MAF: variants seen among roughly 807,000 people sequenced by gnomAD.
The protein encoded by MAF is MAF bZIP transcription factor, also known as transcription factor Maf.
A neutral mutation model predicts 22.0 loss-of-function variants in MAF; 10 were observed. The ratio of observed to expected loss-of-function variants is 0.45; its 90% CI spans 0.28 to 0.77. The LOEUF is 0.77. Among genes scored for constraint, MAF ranks in the 30% least tolerant of loss-of-function variants. The pLI is 0.12. For missense variants in MAF, 544 were observed against 548.4 expected (o/e 0.99, Z 0.08); for synonymous variants, 337 against 255.8 (o/e 1.32, Z -3.03).
chr16:79,532,699 A>T, the MAF span, among the ~76,000 whole-genome samples: 2 of 152,126 alleles, frequency 1.3e-5, no homozygotes, highest in Non-Finnish European at 2.9e-5. Context: ...TTCGTGTGTG[A>T]GTGTGTGTGC....
At chr16:79,423,814 C>A in the MAF span, among the ~76,000 whole-genome samples, 1 of 152,174 alleles carries the variant, frequency 6.6e-6, no homozygotes, top group African/African-American at 2.4e-5. Context: ...ACCCACCTAA[C>A]CTAGCCTCCA....
the MAF span, among the ~76,000 whole-genome samples, chr16:79,270,344 TAG>T: frequency 1.3e-5 from 2 of 152,020 alleles, no homozygotes; most frequent in African/African-American, 2.4e-5. Context: ...GAACCCAAAG[TAG>T]TAGCAAGGCT....
chr16:79,550,803 T>C, the MAF span, among the ~76,000 whole-genome samples: 268 of 152,268 alleles, frequency 1.8e-3, 7 homozygotes, highest in East Asian at 0.033. Flanking sequence ...TTGTTCTGTA[T>C]GTAGGTTCCC....
the MAF span, among the ~76,000 whole-genome samples, chr16:79,409,830 T>A: frequency 1.3e-5 from 2 of 152,194 alleles, no homozygotes; most frequent in Admixed American, 6.5e-5. Context: ...ATGTTCGATA[T>A]CTGCACTAAT....
Position 79,594,566 on chromosome 16 carries a change from T to G in MAF, c.1119-13A>C. ...AGTGGGCTCAGTTCTGTAATTGGAA[T>G]GAAAGGAATTTTAACACTATTTAGA... On this transcript the variant is annotated splice_polypyrimidine_tract_variant and intron_variant, in intron 1 of 1. Coordinates refer to ENST00000326043, the MANE Select transcript of MAF (RefSeq NM_005360.5). The G allele has an allele frequency of 6.4e-7, 1 of 1,555,580 alleles. No individual in the cohort carries two copies. The highest frequency in any genetic ancestry group is 8.7e-7 in the Non-Finnish European group (1 of 1,148,348).
At chr16:79,223,780 G>C in the MAF span, among the ~76,000 whole-genome samples, 1 of 152,082 alleles carries the variant, frequency 6.6e-6, no homozygotes, top group East Asian at 1.9e-4. Flanking sequence ...TAAATTCCTG[G>C]ACATATACAC....
chr16:79,519,481 C>T, the MAF span, among the ~76,000 whole-genome samples: 1 of 152,138 alleles, frequency 6.6e-6, no homozygotes, highest in African/African-American at 2.4e-5. Context: ...TGCCAGGAGC[C>T]CTTAGTTTCC....
chr16:79,272,433 G>A, the MAF span, among the ~76,000 whole-genome samples: 1 of 152,214 alleles, frequency 6.6e-6, no homozygotes, highest in South Asian at 2.1e-4. Context: ...GAGGCCCTGT[G>A]CGTGTGACTC....
the MAF span, among the ~76,000 whole-genome samples, chr16:79,400,196 G>A: frequency 4.6e-5 from 7 of 152,198 alleles, no homozygotes; most frequent in Non-Finnish European, 8.8e-5. Flanking sequence ...CCACCACAAA[G>A]AATGAATTGT....
At chr16:79,246,548 GT>G in the MAF span, among the ~76,000 whole-genome samples, 363 of 129,614 alleles carry the variant, frequency 2.8e-3, 15 homozygotes, top group African/African-American at 9.4e-3. Flanking sequence ...TTTGGGGGGG[GT>G]GTGGGGGTGT....
chr16:79,245,445 A>G, the MAF span, among the ~76,000 whole-genome samples: 1 of 152,106 alleles, frequency 6.6e-6, no homozygotes, highest in Non-Finnish European at 1.5e-5. Flanking sequence ...GCAGCCAACA[A>G]TCATGAAAAA....
At chr16:79,468,068 T>C in the MAF span, among the ~76,000 whole-genome samples, 3 of 152,146 alleles carry the variant, frequency 2.0e-5, no homozygotes, top group African/African-American at 7.2e-5. Flanking sequence ...CAGACCTGGG[T>C]GCATCATGCA....
chr16:79,351,714 T>A, the MAF span, among the ~76,000 whole-genome samples: 86 of 152,012 alleles, frequency 5.7e-4, no homozygotes, highest in Non-Finnish European at 1.2e-3. Flanking sequence ...AGAAAGCCCA[T>A]TGCCCACCCC....
the MAF span, among the ~76,000 whole-genome samples, chr16:79,507,954 T>A: frequency 6.6e-6 from 1 of 151,978 alleles, no homozygotes; most frequent in Non-Finnish European, 1.5e-5. Context: ...TCTTTTTAAG[T>A]GGGGGAAAGG....
the MAF span, among the ~76,000 whole-genome samples, chr16:79,340,991 G>T: frequency 6.6e-6 from 1 of 152,170 alleles, no homozygotes; most frequent in African/African-American, 2.4e-5. Context: ...AGATGAAGAG[G>T]GACCAGCTAT....
At chr16:79,466,417 T>G in the MAF span, among the ~76,000 whole-genome samples, 2 of 152,314 alleles carry the variant, frequency 1.3e-5, no homozygotes, top group South Asian at 2.1e-4. Flanking sequence ...GCAGACTGGT[T>G]AGGGCTTTGT....
chr16:79,310,263 T>C, the MAF span, among the ~76,000 whole-genome samples: 2 of 152,008 alleles, frequency 1.3e-5, no homozygotes, highest in Admixed American at 1.3e-4. Flanking sequence ...ATTTTGCATG[T>C]AGGGAGGGAA....
chr16:79,463,747 A>G, the MAF span, among the ~76,000 whole-genome samples: 1 of 152,128 alleles, frequency 6.6e-6, no homozygotes, highest in Non-Finnish European at 1.5e-5. Context: ...AAATCTCTTA[A>G]AAATTTGTTT....
chr16:79,524,311 T>C, the MAF span, among the ~76,000 whole-genome samples: 356 of 152,356 alleles, frequency 2.3e-3, 1 homozygote, highest in African/African-American at 7.9e-3. Context: ...CCTGCTCCAC[T>C]GTGACCCATC....
Sources: allele counts gnomAD v4.1 joint callset (sites outside exome capture counted in the v4.1 genomes callset), GRCh38; gene constraint gnomAD v4.1.1; transcripts MANE v1.5; gene names NCBI Gene and HGNC (gene_info 2026-07-23, HGNC 2026-07-21).